Variants in EPHB1 observed in about 807,000 individuals in gnomAD.
EPHB1 encodes ephrin type-B receptor 1.
A neutral mutation model predicts 94.4 loss-of-function variants in EPHB1; 30 were observed. The ratio of observed to expected loss-of-function variants is 0.32; its 90% CI spans 0.24 to 0.43. The LOEUF (loss-of-function observed/expected upper bound fraction) is 0.43, where lower values mean the gene tolerates loss of function less well. EPHB1 is among the 20% of genes least tolerant of loss of function. EPHB1 has a pLI of 1.00. For synonymous variants in EPHB1, 522 were observed against 489.1 expected, an observed-to-expected ratio of 1.07 and a Z score of -0.89; for missense variants, 1,055 against 1,308.3, an observed-to-expected ratio of 0.81 and a Z score of 2.99.
chr3:134,850,914 G>A (rs907335792), intron 1 of EPHB1, among the ~76,000 whole-genome samples: 1 of 152,268 alleles, frequency 6.6e-6, no homozygotes, highest in African/African-American at 2.4e-5. Flanking sequence ...GCATTCATCT[G>A]CTTCCCCATG....
intron 6 of EPHB1, chr3:135,154,508 C>T: frequency 4.1e-6 from 2 of 481,964 alleles, no homozygotes; most frequent in Non-Finnish European, 3.7e-6. Flanking sequence ...CACCATCCTG[C>T]AATCTGGATA....
At chr3:135,115,872 G>A (rs1939678222) in intron 4 of EPHB1, among the ~76,000 whole-genome samples, 1 of 152,166 alleles carries the variant, frequency 6.6e-6, no homozygotes. Context: ...GGGTTTTTAT[G>A]AATCATGTTT....
intron 3 of EPHB1, among the ~76,000 whole-genome samples, chr3:135,042,020 G>C (rs1044326205): frequency 6.6e-6 from 1 of 152,150 alleles, no homozygotes; most frequent in Non-Finnish European, 1.5e-5. Context: ...CTGCAGCCCC[G>C]ATCTCCTGGG....
At chr3:134,959,660 T>C (rs1336258787) in intron 3 of EPHB1, among the ~76,000 whole-genome samples, 1 of 152,174 alleles carries the variant, frequency 6.6e-6, no homozygotes, top group South Asian at 2.1e-4. Flanking sequence ...CAGAGAGCTC[T>C]GACATGTTAA....
chr3:135,049,955 G>A (rs973165302), intron 3 of EPHB1, among the ~76,000 whole-genome samples: 1 of 152,158 alleles, frequency 6.6e-6, no homozygotes, highest in African/African-American at 2.4e-5. Context: ...TATGCTTCCA[G>A]TGGTACCCCG....
intron 12 of EPHB1, among the ~76,000 whole-genome samples, chr3:135,234,076 A>G (rs1279496548): frequency 6.6e-6 from 1 of 152,186 alleles, no homozygotes; most frequent in East Asian, 1.9e-4. Flanking sequence ...GAAAATTTCT[A>G]CAGCCGCTTA....
At chr3:134,841,659 T>C (rs1056718660) in intron 1 of EPHB1, 3 of 152,174 alleles carry the variant, frequency 2.0e-5, no homozygotes, top group Non-Finnish European at 4.4e-5. Flanking sequence ...GTGTGAATGT[T>C]GAATTAGGCT....
chr3:134,812,066 T>C (rs1295659997), intron 1 of EPHB1, among the ~76,000 whole-genome samples: 1 of 152,234 alleles, frequency 6.6e-6, no homozygotes, highest in Non-Finnish European at 1.5e-5. Flanking sequence ...GCTGAATGTC[T>C]GCCCTGACTT....
rs577280628 is a variant in EPHB1 at position 135,076,255 on chromosome 3, ATATAT to A, written c.806-30192_806-30188del. ...AAGGGATATATATATATATATATATATATATAACTCTTAAATGCATTAGTAAAAAG... is the reference window on the plus strand; with the variant it reads ...AAGGGATATATATATATATATATATAAACTCTTAAATGCATTAGTAAAAAG... On this transcript the variant is annotated intron_variant, in intron 3 of 15. Coordinates refer to ENST00000398015, the MANE Select transcript of EPHB1 (RefSeq NM_004441.5). Among the ~76,000 whole-genome samples, 730 of 86,278 alleles carry A rather than the reference ATATAT, an allele frequency of 8.5e-3. 20 individuals are homozygous for A. The highest frequency in any genetic ancestry group is 0.023 in the African/African-American group (678 of 28,994). 56.6% of individuals were successfully genotyped at this position (86,278 alleles called of 152,430 possible). A position where few individuals can be genotyped will look rare whatever the true frequency, so the allele number is the denominator to read the frequency against.
intron 5 of EPHB1, among the ~76,000 whole-genome samples, chr3:135,136,522 A>T (rs1576417621): frequency 6.6e-6 from 1 of 152,222 alleles, no homozygotes; most frequent in Non-Finnish European, 1.5e-5. Context: ...AAGGTGGGTC[A>T]GATGAAGAAA....
At chr3:135,075,801 T>C (rs1937890222) in intron 3 of EPHB1, among the ~76,000 whole-genome samples, 1 of 152,206 alleles carries the variant, frequency 6.6e-6, no homozygotes, top group Non-Finnish European at 1.5e-5. Flanking sequence ...GGCCACTCTA[T>C]GAAGGAGGAG....
intron 1 of EPHB1, among the ~76,000 whole-genome samples, chr3:134,803,534 A>G (rs957118791): frequency 3.9e-5 from 6 of 152,072 alleles, no homozygotes; most frequent in Admixed American, 2.0e-4. Context: ...AAGGGAAAAA[A>G]CTTTCCAGGA....
chr3:135,007,352 C>T (rs1935457578), intron 3 of EPHB1, among the ~76,000 whole-genome samples: 1 of 152,176 alleles, frequency 6.6e-6, no homozygotes, highest in Non-Finnish European at 1.5e-5. Flanking sequence ...TCTCCAGCCC[C>T]TAATCTTAGA....
At chr3:135,126,586 G>T (rs13096641) in intron 4 of EPHB1, among the ~76,000 whole-genome samples, 28,633 of 152,130 alleles carry the variant, frequency 0.19, 2,878 homozygotes, top group South Asian at 0.28. Flanking sequence ...CAAGGCTAAG[G>T]TTCTGCCCCT....
intron 3 of EPHB1, among the ~76,000 whole-genome samples, chr3:135,076,254 T>TAC (rs1937913034): frequency 1.3e-5 from 1 of 79,458 alleles, no homozygotes; most frequent in African/African-American, 3.8e-5. Flanking sequence ...TATATATATA[T>TAC]ATATATAACT....
chr3:134,872,259 G>A (rs539674003), intron 1 of EPHB1, among the ~76,000 whole-genome samples: 1 of 152,320 alleles, frequency 6.6e-6, no homozygotes, highest in East Asian at 1.9e-4. Flanking sequence ...GGGGTCTCCA[G>A]GATATCTCAT....
At chr3:134,846,350 C>T (rs2036871911) in intron 1 of EPHB1, among the ~76,000 whole-genome samples, 2 of 152,122 alleles carry the variant, frequency 1.3e-5, no homozygotes, top group South Asian at 4.1e-4. Flanking sequence ...GCTCCGAGGC[C>T]CCATTTGGAG....
chr3:135,226,668 C>G (rs750844879), intron 12 of EPHB1, among the ~76,000 whole-genome samples: 1 of 152,196 alleles, frequency 6.6e-6, no homozygotes, highest in Non-Finnish European at 1.5e-5. Flanking sequence ...TTCCCCTACA[C>G]CTGGGGGAGG....
intron 9 of EPHB1, among the ~76,000 whole-genome samples, chr3:135,167,922 G>T (rs1941695285): frequency 6.6e-6 from 1 of 152,134 alleles, no homozygotes; most frequent in Non-Finnish European, 1.5e-5. Flanking sequence ...AGACCTCCCA[G>T]GTACCTACAC....
Sources: allele counts gnomAD v4.1 joint callset (sites outside exome capture counted in the v4.1 genomes callset), GRCh38; gene constraint gnomAD v4.1.1; transcripts MANE v1.5; gene names NCBI Gene and HGNC (gene_info 2026-07-23, HGNC 2026-07-21).